DCDC2: variants seen among roughly 807,000 people sequenced by gnomAD.
DCDC2 encodes the protein doublecortin domain containing 2, also known as doublecortin domain-containing protein 2.
Under a neutral mutation model 50.2 loss-of-function variants are expected in DCDC2, and 40 were observed. The ratio of observed to expected loss-of-function variants is 0.80; its 90% confidence interval spans 0.62 to 1.04. DCDC2 has a LOEUF of 1.04. DCDC2 is among the 50% of genes least tolerant of loss of function. DCDC2 has a pLI of 0.00. For synonymous variants in DCDC2, 234 were observed against 210.6 expected (o/e 1.11, Z -0.96); for missense variants, 570 against 581.9 (o/e 0.98, Z 0.21).
chr6:24,220,874 G>GAGAC (rs1226126654), intron 7 of DCDC2, among the ~76,000 whole-genome samples: 1 of 144,218 alleles, frequency 6.9e-6, no homozygotes, highest in African/African-American at 2.5e-5. Flanking sequence ...GAGAGCAAGA[G>GAGAC]AGCGAGAGCG....
chr6:24,208,354 T>C (rs1761770840), intron 7 of DCDC2, among the ~76,000 whole-genome samples: 3 of 145,204 alleles, frequency 2.1e-5, no homozygotes, highest in East Asian at 2.0e-4. Flanking sequence ...AGCTCCCTCC[T>C]CTGTGCTACT....
chr6:24,258,067 T>C (rs563513783), intron 7 of DCDC2, among the ~76,000 whole-genome samples: 1 of 152,150 alleles, frequency 6.6e-6, no homozygotes, highest in Non-Finnish European at 1.5e-5. Flanking sequence ...CCTGAAGTAG[T>C]GTGTTCAGAG....
chr6:24,259,675 C>T (rs1468716220), intron 7 of DCDC2, among the ~76,000 whole-genome samples: 1 of 152,118 alleles, frequency 6.6e-6, no homozygotes, highest in African/African-American at 2.4e-5. Context: ...TGAAACTGGT[C>T]CTGGTTTTAT....
the DCDC2 span, among the ~76,000 whole-genome samples, chr6:24,369,894 T>C: frequency 1.3e-5 from 2 of 151,088 alleles, no homozygotes; most frequent in Non-Finnish European, 2.9e-5. Context: ...ACAAAAAAAA[T>C]AGCCGGGCAT....
chr6:24,174,451 T>TTAAAAA lies in DCDC2; in HGVS notation c.*278_*279insTTTTTA. On this transcript the variant is annotated 3_prime_UTR_variant, in exon 10 of 10. Coordinates refer to ENST00000378454, the MANE Select transcript of DCDC2 (RefSeq NM_016356.5). The stretch of plus-strand genomic sequence containing the variant: ...TAAGAGTGATCCTATTTTTCATCCT[T>TTAAAAA]TACAAGTGGCAATTGTCTTCCAGTG... The TTAAAAA allele has an allele frequency of 4.4e-6, 1 of 228,522 alleles. No homozygotes were observed. Among genetic ancestry groups the TTAAAAA allele is most frequent in the South Asian group, 1.4e-4 (1 of 7,350 alleles). The allele number at this position is 228,522 out of a possible 1,614,324, so 14.2% of individuals were successfully genotyped here. A position where few individuals can be genotyped will look rare whatever the true frequency, so the allele number is the denominator to read the frequency against.
Position 24,222,389 on chromosome 6 carries a change from TA to T in DCDC2, c.923-17288del, listed in dbSNP as rs565578861. On this transcript the variant is annotated intron_variant, in intron 7 of 9. Transcript: ENST00000378454. Reference sequence around the variant, plus strand: ...ATTATTGAATGTTCTAACCATCTTTTAGGATAATTTTTTTCCAGATGAAGTC... The same window carrying T: ...ATTATTGAATGTTCTAACCATCTTTTGGATAATTTTTTTCCAGATGAAGTC... Among the ~76,000 whole-genome samples, 331 of 152,356 alleles carry T rather than the reference TA, an allele frequency of 2.2e-3. 1 individual carries two copies. The highest frequency in any genetic ancestry group is 6.8e-3 in the Middle Eastern group (2 of 294).
intron 2 of DCDC2, among the ~76,000 whole-genome samples, chr6:24,325,213 C>T (rs1759836807): frequency 1.5e-5 from 2 of 132,128 alleles, no homozygotes; most frequent in African/African-American, 5.0e-5. Flanking sequence ...CACACTTCTC[C>T]TCGGTTCTCA....
chr6:24,379,628 G>A, the DCDC2 span, among the ~76,000 whole-genome samples: 51 of 152,320 alleles, frequency 3.3e-4, no homozygotes, highest in Admixed American at 1.8e-3. Context: ...GGAAGACAGC[G>A]TGGTGATTCC....
chr6:24,185,688 TACACACACACACACAC>T (rs35379687), intron 8 of DCDC2, among the ~76,000 whole-genome samples: 13 of 144,502 alleles, frequency 9.0e-5, no homozygotes, highest in South Asian at 4.4e-4. Context: ...TCCATACACA[TACACACACACACACAC>T]ACACACACAC....
chr6:24,182,138 C>T (rs1162756627), intron 8 of DCDC2, among the ~76,000 whole-genome samples: 1 of 152,112 alleles, frequency 6.6e-6, no homozygotes, highest in Non-Finnish European at 1.5e-5. Context: ...GTATCCTTAC[C>T]TAACATATGT....
chr6:24,197,663 G>T (rs146372189), intron 8 of DCDC2, among the ~76,000 whole-genome samples: 1 of 152,242 alleles, frequency 6.6e-6, no homozygotes, highest in East Asian at 1.9e-4. Flanking sequence ...TCAGGAAGAC[G>T]ACACTTGCAG....
rs950348411 is a variant in DCDC2 at position 24,256,025 on chromosome 6, C to G, written c.922+22024G>C. On this transcript the variant is annotated intron_variant, in intron 7 of 9. Transcript: ENST00000378454. ...ACTGGGGACTGCACAAAGTAGGATA[C>G]AGTCATACATGGAATCCCATGCTGC... 3.3e-5 allele frequency among the ~76,000 whole-genome samples: 5 copies of G among 152,272 alleles called. 1 individual carries two copies. The South Asian group carries it at 1.0e-3, about 32-fold the overall frequency.
rs112114755 is a variant in DCDC2 at position 24,198,608 on chromosome 6, GTTTT to G, written c.1023+6390_1023+6393del. ...TTGGGCAGACACCAAGCTAGCTACA[GTTTT>G]TTTTTTTTCATACCCCAGTGGTGCC... is the stretch of plus-strand genomic sequence containing the variant. On this transcript the variant is annotated intron_variant, in intron 8 of 9. Transcript: ENST00000378454. Among the ~76,000 whole-genome samples, 5 of 147,182 alleles carry G rather than the reference GTTTT, an allele frequency of 3.4e-5. No individual in the cohort carries two copies. The South Asian group carries it at 6.5e-4, about 19-fold the overall frequency.
chr6:24,242,500 C>T (rs1430244370), intron 7 of DCDC2, among the ~76,000 whole-genome samples: 5 of 152,136 alleles, frequency 3.3e-5, no homozygotes, highest in African/African-American at 1.2e-4. Context: ...GAAGTCTTCC[C>T]CCCACCTCTC....
intron 2 of DCDC2, among the ~76,000 whole-genome samples, chr6:24,327,257 C>G (rs1014028055): frequency 6.7e-6 from 1 of 149,308 alleles, no homozygotes; most frequent in Non-Finnish European, 1.5e-5. Flanking sequence ...GACTATAAAC[C>G]CTGAGATCTC....
intron 7 of DCDC2, among the ~76,000 whole-genome samples, chr6:24,242,870 G>A (rs1762593103): frequency 6.6e-6 from 1 of 152,078 alleles, no homozygotes; most frequent in Non-Finnish European, 1.5e-5. Context: ...GCTGAGGCAG[G>A]AGAATTGCTT....
At chr6:24,199,325 A>G (rs1761528704) in intron 8 of DCDC2, among the ~76,000 whole-genome samples, 1 of 152,178 alleles carries the variant, frequency 6.6e-6, no homozygotes, top group Admixed American at 6.5e-5. Context: ...ACAGGCAGCA[A>G]TCTTTGCTGT....
At chr6:24,249,558 T>C (rs1170200637) in intron 7 of DCDC2, among the ~76,000 whole-genome samples, 1 of 152,354 alleles carries the variant, frequency 6.6e-6, no homozygotes, top group Non-Finnish European at 1.5e-5. Context: ...AAAACGCCTA[T>C]ATTTAGGTTT....
chr6:24,201,337 G>A (rs1761582747), intron 8 of DCDC2, among the ~76,000 whole-genome samples: 2 of 152,140 alleles, frequency 1.3e-5, no homozygotes, highest in African/African-American at 4.8e-5. Context: ...TTAGAACTCA[G>A]AATTAAGGAA....
Sources: allele counts gnomAD v4.1 joint callset (sites outside exome capture counted in the v4.1 genomes callset), GRCh38; gene constraint gnomAD v4.1.1; transcripts MANE v1.5; gene names NCBI Gene and HGNC (gene_info 2026-07-23, HGNC 2026-07-21).